Variants in RNFT2 observed in about 807,000 individuals in gnomAD.
RNFT2 encodes E3 ubiquitin-protein ligase RNFT2.
In RNFT2, 36 loss-of-function variants were observed where a neutral mutation model predicts 53.0. The ratio of observed to expected loss-of-function variants is 0.68; its 90% CI spans 0.52 to 0.90. The LOEUF (loss-of-function observed/expected upper bound fraction) is 0.90. Among genes scored for constraint, RNFT2 ranks in the 40% least tolerant of loss-of-function variants. The pLI is 0.00. For synonymous variants in RNFT2, 260 were observed against 253.2 expected, an observed-to-expected ratio of 1.03 and a Z score of -0.26; for missense variants, 514 against 585.6, an observed-to-expected ratio of 0.88 and a Z score of 1.26.
intron 10 of RNFT2, among the ~76,000 whole-genome samples, chr12:116,840,553 G>A (rs988391457): frequency 5.3e-5 from 8 of 152,140 alleles, no homozygotes; most frequent in African/African-American, 1.7e-4. Flanking sequence ...TTGCCTCCTC[G>A]GAATGAATGA....
intron 7 of RNFT2, among the ~76,000 whole-genome samples, chr12:116,820,263 G>A (rs1162117706): frequency 6.6e-6 from 1 of 152,102 alleles, no homozygotes; most frequent in African/African-American, 2.4e-5. Context: ...GCTAGTTTTT[G>A]TAGAGACAGG....
chr12:116,759,848 G>T (rs1055090836), intron 5 of RNFT2, among the ~76,000 whole-genome samples: 2 of 152,190 alleles, frequency 1.3e-5, no homozygotes, highest in African/African-American at 4.8e-5. Context: ...CTCCTGCCAG[G>T]AGGTGGCGCT....
intron 3 of RNFT2, among the ~76,000 whole-genome samples, chr12:116,747,441 A>G (rs1871951478): frequency 6.6e-6 from 1 of 151,994 alleles, no homozygotes; most frequent in Non-Finnish European, 1.5e-5. Context: ...CTGAGGTGGG[A>G]GGATCACTTG....
At chr12:116,772,123 G>A (rs1873230428) in intron 6 of RNFT2, among the ~76,000 whole-genome samples, 1 of 152,028 alleles carries the variant, frequency 6.6e-6, no homozygotes, top group Non-Finnish European at 1.5e-5. Flanking sequence ...ACACAGTCTT[G>A]CTCTGTTGCC....
At chr12:116,777,646 G>A (rs1374044970) in intron 6 of RNFT2, among the ~76,000 whole-genome samples, 7 of 152,130 alleles carry the variant, frequency 4.6e-5, no homozygotes, top group African/African-American at 2.4e-5. Context: ...TCTGCAAAAT[G>A]GGGTGGATAA....
At chr12:116,806,393 T>TAG (rs60469052) in intron 7 of RNFT2, among the ~76,000 whole-genome samples, 8,869 of 80,496 alleles carry the variant, frequency 0.11, 390 homozygotes, top group Middle Eastern at 0.14. Flanking sequence ...TATATATATA[T>TAG]ATATATAGAT....
rs1873917815 is a variant in RNFT2, at chr12:116,785,998, GCTGAGACCGCGCCA to G, written c.882+6654_882+6667del. 2.6e-5 allele frequency among the ~76,000 whole-genome samples: 4 copies of G among 152,146 alleles called. No individual in the cohort carries two copies. The South Asian group carries it at 8.3e-4, about 31-fold the overall frequency. On this transcript the variant is annotated intron_variant, in intron 7 of 10. Coordinates refer to ENST00000257575, the MANE Select transcript of RNFT2 (RefSeq NM_001382266.1). ...GCCCAGGAGGCAGAGGTTGCAGTGA[GCTGAGACCGCGCCA>G]CTGCACTCCAGCCTCGGCAATAGAG... is the stretch of plus-strand genomic sequence containing the variant.
chr12:116,848,779 C>T (rs112085446), intron 10 of RNFT2, among the ~76,000 whole-genome samples: 3 of 151,408 alleles, frequency 2.0e-5, no homozygotes, highest in African/African-American at 7.3e-5. Context: ...CCCGCCCAAG[C>T]CCTCCCTGTT....
At chr12:116,849,173 T>A in intron 10 of RNFT2, 141 bp from the exon 11 acceptor site, 1 of 604,814 alleles carries the variant, frequency 1.7e-6, no homozygotes, top group Non-Finnish European at 2.9e-6. Flanking sequence ...TATTTTGGAG[T>A]CGCATTGTCT....
chr12:116,822,987 ACT>A lies in RNFT2; in HGVS notation c.883-10802_883-10801del, dbSNP rs1032740503. On this transcript the variant is annotated intron_variant, in intron 7 of 10. Transcript: ENST00000257575. The stretch of plus-strand genomic sequence containing the variant: ...ACTCCAGGTTGGGCGATAGTGCGAG[ACT>A]CTGTCTCAAAAAGCAAAAAACGAAA... 2.8e-4 allele frequency among the ~76,000 whole-genome samples: 42 copies of A among 152,240 alleles called. 1 individual carries two copies. The highest frequency in any genetic ancestry group is 1.9e-4 in the Non-Finnish European group (13 of 68,018).
In RNFT2 at chr12:116,801,799, GT is replaced by G. The variant is rs1264361379; in HGVS notation, c.882+22459del. 2.8e-3 allele frequency among the ~76,000 whole-genome samples: 394 copies of G among 143,038 alleles called. 2 individuals are homozygous for G. The highest frequency in any genetic ancestry group is 0.011 in the African/African-American group (367 of 33,990). The allele number at this position is 143,038 out of a possible 152,430, so 93.8% of individuals were successfully genotyped here. On this transcript the variant is annotated intron_variant, in intron 7 of 10. Transcript: ENST00000257575. ...TATTGGTTTGTTTGTTTTCTGTGGG[GT>G]TTTTTTTGTTTGTTTGTTTGTTTGT...
intron 7 of RNFT2, among the ~76,000 whole-genome samples, chr12:116,794,116 G>A (rs553722480): frequency 4.6e-5 from 7 of 151,958 alleles, no homozygotes; most frequent in East Asian, 1.9e-4. Context: ...AACTAAAAAC[G>A]TATCCAAGCA....
At chr12:116,764,483 C>T (rs1480092313) in intron 5 of RNFT2, among the ~76,000 whole-genome samples, 2 of 152,166 alleles carry the variant, frequency 1.3e-5, no homozygotes, top group Non-Finnish European at 2.9e-5. Context: ...GGAGGACAAC[C>T]CAGTCTCCAT....
chr12:116,757,773 G>A (rs1872566931), intron 5 of RNFT2, among the ~76,000 whole-genome samples: 1 of 152,118 alleles, frequency 6.6e-6, no homozygotes, highest in Non-Finnish European at 1.5e-5. Flanking sequence ...AGTTCCATGC[G>A]CTGTTGAATA....
intron 3 of RNFT2, among the ~76,000 whole-genome samples, chr12:116,749,339 G>A (rs564929887): frequency 2.2e-5 from 3 of 138,698 alleles, no homozygotes; most frequent in South Asian, 2.2e-4. Context: ...GTGCAGTGGC[G>A]AGATCTTGGC....
rs769030718 is a variant in RNFT2 at position 116,836,237 on chromosome 12, C to T, written c.1155C>T (p.Ala385=). The T allele has an allele frequency of 6.3e-6, 10 of 1,591,834 alleles. No individual in the cohort carries two copies. In the South Asian group the frequency reaches 1.1e-4, roughly 18 times the overall value. The part of the protein sequence containing the change: ...QQCTEAGDIC[A]ICQAEFREPL... ...GCACAGAAGCTGGTGACATCTGCGC[C>T]ATCTGTCAGGCCGAGTTCCGAGAGC... Residue 385 remains alanine (A), a synonymous_variant, in exon 10 of 11, where the codon GCC becomes GCT. Coordinates refer to ENST00000257575, the MANE Select transcript of RNFT2 (RefSeq NM_001382266.1).
intron 6 of RNFT2, among the ~76,000 whole-genome samples, chr12:116,772,047 C>T (rs1184790814): frequency 6.6e-6 from 1 of 152,054 alleles, no homozygotes; most frequent in African/African-American, 2.4e-5. Context: ...AATGCTGTCC[C>T]ATAGTTGCTG....
At chr12:116,767,499 A>AG (rs1232846130) in intron 6 of RNFT2, among the ~76,000 whole-genome samples, 4 of 150,266 alleles carry the variant, frequency 2.7e-5, no homozygotes, top group African/African-American at 9.8e-5. Flanking sequence ...GATTGATTAC[A>AG]GGTGTGAGTC....
At chr12:116,761,722 A>G (rs1166996194) in intron 5 of RNFT2, among the ~76,000 whole-genome samples, 1 of 152,276 alleles carries the variant, frequency 6.6e-6, no homozygotes, top group South Asian at 2.1e-4. Flanking sequence ...CAGCCAGTGC[A>G]AGTGATGGCA....
Sources: gnomAD v4.1 joint callset for allele counts (sites outside exome capture counted in the v4.1 genomes callset) on GRCh38, gnomAD v4.1.1 for gene constraint, MANE v1.5 for transcripts, NCBI Gene and HGNC (gene_info 2026-07-23, HGNC 2026-07-21) for gene names.